Variants in INO80 observed in about 807,000 individuals in gnomAD.
INO80 encodes the protein INO80 complex ATPase subunit.
A neutral mutation model predicts 203.4 loss-of-function variants in INO80; 20 were observed. The ratio of observed to expected loss-of-function variants is 0.10; its 90% CI spans 0.07 to 0.14. The LOEUF is 0.14. Among genes scored for constraint, INO80 ranks in the 10% least tolerant of loss-of-function variants. The probability of loss-of-function intolerance (pLI) is 1.00; values close to 1 mark genes in which losing one functional copy is unlikely to be tolerated. For missense variants in INO80, 1,419 were observed against 1,914.4 expected, an observed-to-expected ratio of 0.74 and a Z score of 4.83; for synonymous variants, 726 against 685.2, an observed-to-expected ratio of 1.06 and a Z score of -0.93.
At chr15:40,984,895 A>C (rs1173092045) in intron 32 of INO80, among the ~76,000 whole-genome samples, 1 of 152,202 alleles carries the variant, frequency 6.6e-6, no homozygotes, top group Non-Finnish European at 1.5e-5. Flanking sequence ...AACTAGAGAA[A>C]AACAGATGAA....
intron 5 of INO80, among the ~76,000 whole-genome samples, chr15:41,091,342 G>A (rs906739842): frequency 6.6e-6 from 1 of 152,142 alleles, no homozygotes. Flanking sequence ...TTACAGGCGT[G>A]AGCCACCGCA....
At chr15:41,019,553 G>C (rs2044259121) in intron 26 of INO80, 1 of 152,186 alleles carries the variant, frequency 6.6e-6, no homozygotes, top group Non-Finnish European at 1.5e-5. Flanking sequence ...CAAGAAGGGA[G>C]AAAAAAGAAG....
At chr15:41,015,211 C>T (rs962992795) in intron 27 of INO80, among the ~76,000 whole-genome samples, 9 of 152,300 alleles carry the variant, frequency 5.9e-5, no homozygotes, top group African/African-American at 2.2e-4. Flanking sequence ...ATCTTTTCCA[C>T]TAACTTAGTA....
rs576195796 is a variant in INO80, at chr15:40,996,788, G to C, written c.3570+741C>G. Among the ~76,000 whole-genome samples, 79 of 152,254 alleles carry C rather than the reference G, an allele frequency of 5.2e-4. 2 individuals carry two copies. In the South Asian group the frequency reaches 0.015, roughly 29 times the overall value. On this transcript the variant is annotated intron_variant, in intron 29 of 35. Coordinates refer to ENST00000648947, the MANE Select transcript of INO80 (RefSeq NM_017553.3). ...TTTGAAGTTCAGGATACAAAAAATGGGTTTTTCCATTAATGGAATAATGCA... is the reference window on the plus strand; with the variant it reads ...TTTGAAGTTCAGGATACAAAAAATGCGTTTTTCCATTAATGGAATAATGCA...
Position 41,072,025 on chromosome 15 carries a change from G to C in INO80, c.1429C>G (p.Arg477Gly). The change falls in exon 12 of 36, where the codon CGA becomes GGA. Residue 477 changes from arginine to glycine, a missense_variant. Transcript: ENST00000648947. ...TTTGCTGCCCGTAGGGCAGCTGCTCGACTTTCTTTTGCATCTTCATCAAAT... is the reference window on the plus strand; with the variant it reads ...TTTGCTGCCCGTAGGGCAGCTGCTCCACTTTCTTTTGCATCTTCATCAAAT... ...RSFDEDAKES[R>G]AAALRAANKS... 1 of 1,595,550 alleles carries C rather than the reference G, an allele frequency of 6.3e-7. No homozygotes were observed. The highest frequency in any genetic ancestry group is 8.5e-7 in the Non-Finnish European group (1 of 1,174,668).
At chr15:41,031,359 AT>A (rs2044459386) in intron 24 of INO80, among the ~76,000 whole-genome samples, 1 of 150,918 alleles carries the variant, frequency 6.6e-6, no homozygotes, top group African/African-American at 2.4e-5. Context: ...AAGTTTGTTC[AT>A]TACTTCTTTA....
chr15:41,077,557 G>C (rs1277541019), intron 9 of INO80, among the ~76,000 whole-genome samples: 1 of 152,076 alleles, frequency 6.6e-6, no homozygotes, highest in Non-Finnish European at 1.5e-5. Context: ...GTGCTATCAA[G>C]AAAATCTTTG....
chr15:41,019,773 C>T (rs2044261988), intron 26 of INO80, among the ~76,000 whole-genome samples: 1 of 152,212 alleles, frequency 6.6e-6, no homozygotes, highest in Non-Finnish European at 1.5e-5. Flanking sequence ...TCTCAAAGCA[C>T]TAACAGGCTG....
At chr15:41,028,083 G>A (rs547236362) in intron 24 of INO80, among the ~76,000 whole-genome samples, 52 of 152,266 alleles carry the variant, frequency 3.4e-4, no homozygotes, top group African/African-American at 1.3e-3. Flanking sequence ...TTGCACTGTG[G>A]ATGCAAACTC....
intron 32 of INO80, 121 bp from the exon 33 acceptor site, chr15:40,984,473 A>C (rs901763192): frequency 1.1e-6 from 1 of 887,350 alleles, no homozygotes; most frequent in Non-Finnish European, 1.7e-6. Context: ...CTCAATTAGC[A>C]TATTTTTACG....
Position 41,049,980 on chromosome 15 carries a change from C to G in INO80, c.2397G>C (p.Gln799His). The change falls in exon 20 of 36, where the codon CAG becomes CAC. Residue 799 changes from glutamine to histidine, a missense_variant. Gln to His is a conservative substitution (Grantham distance 24). Around this residue, in one of 9 missense-constraint regions of INO80, gnomAD observed 192 missense variants for 406.7 expected, o/e 0.47. Coordinates refer to ENST00000648947, the MANE Select transcript of INO80 (RefSeq NM_017553.3). ...QSSMGSTQQA[Q>H]NTTSSLMNLV... ...GATTCATGAGGCTGCTGGTGGTGTT[C>G]TGTGCTTGTTGGGTAGAGCCCATAG... 1.2e-6 allele frequency: 2 copies of G among 1,614,108 alleles called. No homozygotes were observed. Among genetic ancestry groups the G allele is most frequent in the Non-Finnish European group, 1.7e-6 (2 of 1,179,978 alleles).
chr15:41,095,885 G>A lies in INO80; in HGVS notation c.187C>T (p.Pro63Ser), dbSNP rs1376254136. 24 of 1,613,808 alleles carry A rather than the reference G, an allele frequency of 1.5e-5. No homozygotes were observed. The Admixed American group carries it at 3.3e-4, about 22-fold the overall frequency. Residue 63 changes from proline (P) to serine (S), a missense_variant, in exon 3 of 36, where the codon CCC (proline) becomes TCC (serine). Pro to Ser is a moderately conservative substitution (Grantham distance 74). Coordinates refer to ENST00000648947, the MANE Select transcript of INO80 (RefSeq NM_017553.3). Reference protein sequence around the residue: ...DGLDDSNPLLPQSGDPLIQVK... With the variant: ...DGLDDSNPLLSQSGDPLIQVK... ...TGTATTAAGGGATCCCCAGACTGGG[G>A]CAATAATGGATTACTGTCATCCAGT...
At position 41,079,722 on chromosome 15, in the gene INO80, C is replaced by T; in HGVS notation, c.1110G>A (p.Lys370=). 6.2e-7 allele frequency: 1 copy of T among 1,614,206 alleles called. No individual in the cohort carries two copies. Among genetic ancestry groups the T allele is most frequent in the Non-Finnish European group, 8.5e-7 (1 of 1,180,032 alleles). Residue 370 remains lysine, a synonymous_variant, in exon 9 of 36, where the codon AAG becomes AAA. Coordinates refer to ENST00000648947, the MANE Select transcript of INO80 (RefSeq NM_017553.3). ...CTACCTCCCGCATTTCCTCATCCAACTTCCGCTGCTCCAAAGCTTCCTTCT... is the reference window on the plus strand; with the variant it reads ...CTACCTCCCGCATTTCCTCATCCAATTTCCGCTGCTCCAAAGCTTCCTTCT... ...RAEKEALEQR[K]LDEEMREAKR... is the part of the protein sequence containing the mutation.
chr15:41,062,918 T>C (rs1278579222), intron 14 of INO80, among the ~76,000 whole-genome samples: 1 of 152,094 alleles, frequency 6.6e-6, no homozygotes, highest in Non-Finnish European at 1.5e-5. Flanking sequence ...AGACAAATAA[T>C]AAGCTAAGAG....
In INO80 at chr15:40,985,437, A is replaced by C; in HGVS notation, c.3833-11T>G. On this transcript the variant is annotated splice_polypyrimidine_tract_variant and intron_variant, in intron 31 of 35. Coordinates refer to ENST00000648947, the MANE Select transcript of INO80 (RefSeq NM_017553.3). Reference sequence around the variant, plus strand: ...CCTGCCGCAGCCTCACTATCAAGAAAATGAATTAAGACCTGATGAAGTACC... The same window carrying C: ...CCTGCCGCAGCCTCACTATCAAGAACATGAATTAAGACCTGATGAAGTACC... 2.5e-6 allele frequency: 4 copies of C among 1,604,200 alleles called. No individual in the cohort carries two copies. The Middle Eastern group carries it at 6.6e-4, about 265-fold the overall frequency.
At chr15:41,097,996 T>A (rs2045751035) in intron 1 of INO80, among the ~76,000 whole-genome samples, 1 of 152,018 alleles carries the variant, frequency 6.6e-6, no homozygotes, top group Non-Finnish European at 1.5e-5. Flanking sequence ...AATGATAAGT[T>A]TTTTTGTTTA....
chr15:41,109,498 G>A (rs578161918), intron 1 of INO80, among the ~76,000 whole-genome samples: 4 of 151,980 alleles, frequency 2.6e-5, no homozygotes, highest in Non-Finnish European at 4.4e-5. Context: ...TTACAAAATA[G>A]AAATGTCTGG....
At chr15:41,058,566 T>C (rs1055627696) in intron 16 of INO80, 73 bp downstream of exon 16, 9 of 984,808 alleles carry the variant, frequency 9.1e-6, no homozygotes, top group East Asian at 5.5e-5. Context: ...TGTGTGTGTG[T>C]GTGCGTGTGT....
In INO80 at chr15:41,085,248, A is replaced by G. The variant is rs1376448164; in HGVS notation, c.873+121T>C. Reference sequence around the variant, plus strand: ...ACTACTCAGCATTTTCTTGATTCCAACAGATTAGTTTCTTTGCAGAATTCC... The same window carrying G: ...ACTACTCAGCATTTTCTTGATTCCAGCAGATTAGTTTCTTTGCAGAATTCC... On this transcript the variant is annotated intron_variant, in intron 7 of 35. Coordinates refer to ENST00000648947, the MANE Select transcript of INO80 (RefSeq NM_017553.3). 4.7e-6 allele frequency: 4 copies of G among 846,770 alleles called. No individual in the cohort carries two copies. In the African/African-American group the frequency reaches 5.1e-5, roughly 11 times the overall value. The allele number at this position is 846,770 out of a possible 1,614,324, so 52.5% of individuals were successfully genotyped here.
Sources: gnomAD v4.1 joint callset for allele counts (sites outside exome capture counted in the v4.1 genomes callset) on GRCh38, gnomAD v4.1.1 for gene constraint, gnomAD v4.1.1 regional missense constraint, MANE v1.5 for transcripts, NCBI Gene and HGNC (gene_info 2026-07-23, HGNC 2026-07-21) for gene names.